SDK1: variants seen among roughly 807,000 people sequenced by gnomAD.
SDK1 encodes protein sidekick-1.
Under a neutral mutation model 245.5 loss-of-function variants are expected in SDK1, and 157 were observed. The ratio of observed to expected loss-of-function variants is 0.64; its 90% CI spans 0.56 to 0.73. The LOEUF (loss-of-function observed/expected upper bound fraction) is 0.73, where lower values mean the gene tolerates loss of function less well. Ranked by LOEUF, SDK1 falls within the 30% of genes least tolerant of loss-of-function variation. SDK1 has a pLI of 0.00. For synonymous variants in SDK1, 1,647 were observed against 1,278.5 expected (o/e 1.29, Z -6.15); for missense variants, 3,583 against 3,002.3 (o/e 1.19, Z -4.52).
At chr7:3,605,490 C>A (rs968248027) in intron 1 of SDK1, among the ~76,000 whole-genome samples, 3 of 152,146 alleles carry the variant, frequency 2.0e-5, no homozygotes, top group Non-Finnish European at 4.4e-5. Context: ...GTTGACTTTT[C>A]CTTCTTATTG....
intron 1 of SDK1, among the ~76,000 whole-genome samples, chr7:3,489,573 T>C (rs1294550683): frequency 6.6e-6 from 1 of 152,230 alleles, no homozygotes; most frequent in African/African-American, 2.4e-5. Flanking sequence ...ATGGTAATAA[T>C]GAAAGGTGCA....
rs913965606 is a variant in SDK1, at chr7:3,365,899, C to T, written c.298+64015C>T. 5.9e-5 allele frequency among the ~76,000 whole-genome samples: 9 copies of T among 152,124 alleles called. No homozygotes were observed. The East Asian group carries it at 7.7e-4, about 13-fold the overall frequency. On this transcript the variant is annotated intron_variant, in intron 1 of 44. Transcript: ENST00000404826. ...TAAAAATACAAAAAAATTAGCTAGG[C>T]GTGGTGGCGGGCACCGGTAATCCCA...
intron 20 of SDK1, among the ~76,000 whole-genome samples, chr7:4,071,991 AG>A (rs1254493788): frequency 6.6e-6 from 1 of 152,230 alleles, no homozygotes; most frequent in African/African-American, 2.4e-5. Flanking sequence ...TAAAGCTGAA[AG>A]AAAAAAATCC....
chr7:3,359,387 G>T (rs1780892492), intron 1 of SDK1, among the ~76,000 whole-genome samples: 1 of 152,104 alleles, frequency 6.6e-6, no homozygotes, highest in Non-Finnish European at 1.5e-5. Context: ...AGTTTTCGTT[G>T]TTGTTGTTAC....
intron 1 of SDK1, among the ~76,000 whole-genome samples, chr7:3,497,622 A>T (rs1782066391): frequency 6.6e-6 from 1 of 152,210 alleles, no homozygotes; most frequent in African/African-American, 2.4e-5. Flanking sequence ...ATCCTCCCTG[A>T]TATCAGACAC....
chr7:3,566,230 T>TTTC (rs2128627895), intron 1 of SDK1, among the ~76,000 whole-genome samples: 1 of 148,858 alleles, frequency 6.7e-6, no homozygotes, highest in East Asian at 2.0e-4. Context: ...TCTTCTTTTT[T>TTTC]TTTTTTTTTT....
At chr7:3,863,529 C>A (rs1780747381) in intron 5 of SDK1, among the ~76,000 whole-genome samples, 1 of 152,178 alleles carries the variant, frequency 6.6e-6, no homozygotes, top group Non-Finnish European at 1.5e-5. Context: ...ATTTCCAGAA[C>A]TTTTCCATCG....
intron 1 of SDK1, among the ~76,000 whole-genome samples, chr7:3,484,786 G>A (rs948173678): frequency 2.0e-5 from 3 of 152,072 alleles, no homozygotes; most frequent in African/African-American, 7.2e-5. Flanking sequence ...CCTGACTTTC[G>A]CTTAATGTCC....
chr7:3,674,448 G>C (rs1353962054), intron 4 of SDK1, among the ~76,000 whole-genome samples: 1 of 152,104 alleles, frequency 6.6e-6, no homozygotes. Flanking sequence ...AACATTTAGA[G>C]GAGAGGGTGA....
intron 1 of SDK1, among the ~76,000 whole-genome samples, chr7:3,614,670 G>T (rs973125977): frequency 6.6e-6 from 1 of 152,146 alleles, no homozygotes; most frequent in African/African-American, 2.4e-5. Context: ...TTTACCTACT[G>T]TATGTATTTC....
intron 1 of SDK1, among the ~76,000 whole-genome samples, chr7:3,544,553 G>A (rs746865514): frequency 6.6e-6 from 1 of 152,156 alleles, no homozygotes; most frequent in African/African-American, 2.4e-5. Context: ...CCAAAGTAGC[G>A]TTTAGATTTT....
At position 3,387,362 on chromosome 7, in the gene SDK1, T is replaced by C. The variant is rs141906756; in HGVS notation, c.298+85478T>C. ...CTCCTCAAAGTCCAGAGGTGGGCTGTCTTCTCCCACCTCCTTGTAGGAGCT... is the reference window on the plus strand; with the variant it reads ...CTCCTCAAAGTCCAGAGGTGGGCTGCCTTCTCCCACCTCCTTGTAGGAGCT... On this transcript the variant is annotated intron_variant, in intron 1 of 44. Coordinates refer to ENST00000404826, the MANE Select transcript of SDK1 (RefSeq NM_152744.4). Among the ~76,000 whole-genome samples, 226 of 152,304 alleles carry C rather than the reference T, an allele frequency of 1.5e-3. 1 individual carries two copies. The highest frequency in any genetic ancestry group is 2.8e-3 in the Non-Finnish European group (191 of 68,020).
chr7:4,062,316 A>G (rs1169896049), intron 19 of SDK1, among the ~76,000 whole-genome samples: 5 of 152,134 alleles, frequency 3.3e-5, no homozygotes, highest in Admixed American at 3.3e-4. Context: ...ATATCATTTG[A>G]GACTCTTACT....
intron 11 of SDK1, among the ~76,000 whole-genome samples, chr7:3,970,240 G>A (rs1037199734): frequency 2.0e-5 from 3 of 151,918 alleles, no homozygotes; most frequent in African/African-American, 4.8e-5. Flanking sequence ...TTGTTGAAAC[G>A]TTATTCTTCC....
chr7:3,494,527 G>A (rs1308253187), intron 1 of SDK1, among the ~76,000 whole-genome samples: 1 of 152,172 alleles, frequency 6.6e-6, no homozygotes, highest in Non-Finnish European at 1.5e-5. Flanking sequence ...GATATGGGGT[G>A]CACAGTGATG....
intron 1 of SDK1, among the ~76,000 whole-genome samples, chr7:3,610,805 A>AACT (rs1436871380): frequency 2.6e-5 from 4 of 152,252 alleles, no homozygotes; most frequent in Non-Finnish European, 5.9e-5. Flanking sequence ...TGCATAGGCA[A>AACT]ACTATTCACA....
chr7:3,587,279 A>G (rs1293796823), intron 1 of SDK1, among the ~76,000 whole-genome samples: 4 of 149,566 alleles, frequency 2.7e-5, no homozygotes, highest in East Asian at 2.0e-4. Context: ...GTATTAGTCA[A>G]GATTCTCCAG....
chr7:3,651,498 A>T (rs1783013215), intron 4 of SDK1, among the ~76,000 whole-genome samples: 1 of 152,196 alleles, frequency 6.6e-6, no homozygotes, highest in African/African-American at 2.4e-5. Context: ...GATCTGAAGA[A>T]ATTACTCAGA....
chr7:3,372,838 C>G (rs141758212), intron 1 of SDK1, among the ~76,000 whole-genome samples: 157 of 152,274 alleles, frequency 1.0e-3, no homozygotes, highest in Non-Finnish European at 2.0e-3. Context: ...GATTTTATTT[C>G]AAAAGCCAGA....
Sources: gnomAD v4.1 joint callset for allele counts (sites outside exome capture counted in the v4.1 genomes callset) on GRCh38, gnomAD v4.1.1 for gene constraint, MANE v1.5 for transcripts, NCBI Gene and HGNC (gene_info 2026-07-23, HGNC 2026-07-21) for gene names.